Variants in AHCYL2 observed in about 807,000 individuals in gnomAD.
AHCYL2 encodes adenosylhomocysteinase like 2.
Under a neutral mutation model 81.4 loss-of-function variants are expected in AHCYL2, and 28 were observed. That is an observed-to-expected ratio of 0.34 (90% CI 0.25 to 0.47). The LOEUF is 0.47. AHCYL2 is among the 20% of genes least tolerant of loss of function. AHCYL2 has a pLI of 1.00. For synonymous variants in AHCYL2, 272 were observed against 290.2 expected (o/e 0.94, Z 0.64); for missense variants, 551 against 785.1 (o/e 0.70, Z 3.56).
intron 1 of AHCYL2, among the ~76,000 whole-genome samples, chr7:129,350,189 G>A (rs117851490): frequency 0.031 from 4,757 of 152,190 alleles, 94 homozygotes; most frequent in Middle Eastern, 0.079. Context: ...AGAGGTACCT[G>A]GATTCAGGTT....
At chr7:129,289,903 C>T (rs1050014992) in intron 1 of AHCYL2, among the ~76,000 whole-genome samples, 6 of 151,858 alleles carry the variant, frequency 4.0e-5, no homozygotes, top group African/African-American at 1.5e-4. Context: ...CTGCCTCAGT[C>T]TCCTGAGTAG....
intron 1 of AHCYL2, among the ~76,000 whole-genome samples, chr7:129,378,137 C>T (rs1309822123): frequency 6.6e-6 from 1 of 152,014 alleles, no homozygotes; most frequent in East Asian, 1.9e-4. Context: ...CATGGTGAAA[C>T]CCCGTCTCTA....
At chr7:129,402,167 T>C (rs993868273) in intron 6 of AHCYL2, among the ~76,000 whole-genome samples, 3 of 152,150 alleles carry the variant, frequency 2.0e-5, no homozygotes, top group Admixed American at 6.5e-5. Context: ...ACATGGAGAA[T>C]GGGAGAGAGA....
chr7:129,245,855 G>C (rs930266145), intron 1 of AHCYL2, among the ~76,000 whole-genome samples: 1 of 152,060 alleles, frequency 6.6e-6, no homozygotes, highest in African/African-American at 2.4e-5. Flanking sequence ...GAGTTCTGTT[G>C]GTTGTATACC....
intron 1 of AHCYL2, among the ~76,000 whole-genome samples, chr7:129,347,799 T>A (rs1176057296): frequency 6.6e-6 from 1 of 152,226 alleles, no homozygotes; most frequent in African/African-American, 2.4e-5. Context: ...AAAAGGCGTT[T>A]ATTTCACTAT....
At chr7:129,313,454 G>A (rs1052677899) in intron 1 of AHCYL2, among the ~76,000 whole-genome samples, 1 of 152,222 alleles carries the variant, frequency 6.6e-6, no homozygotes, top group African/African-American at 2.4e-5. Context: ...ACCAGCCAAT[G>A]TGGTTGAATG....
intron 1 of AHCYL2, among the ~76,000 whole-genome samples, chr7:129,304,821 C>G (rs1429089504): frequency 2.0e-5 from 3 of 151,756 alleles, no homozygotes; most frequent in Admixed American, 2.0e-4. Flanking sequence ...TTGAATCTTG[C>G]TTTTTTATCC....
At chr7:129,290,500 CAAAAA>C (rs76196258) in intron 1 of AHCYL2, among the ~76,000 whole-genome samples, 1 of 61,512 alleles carries the variant, frequency 1.6e-5, no homozygotes, top group Non-Finnish European at 3.5e-5. Flanking sequence ...GACTCTGTCT[CAAAAA>C]AAAAAAAAAA....
chr7:129,231,312 TTAC>T (rs961258745), intron 1 of AHCYL2, among the ~76,000 whole-genome samples: 2 of 151,808 alleles, frequency 1.3e-5, no homozygotes, highest in African/African-American at 4.8e-5. Flanking sequence ...AGGAAGACAA[TTAC>T]TACTACTACT....
At chr7:129,318,187 A>T (rs1227079962) in intron 1 of AHCYL2, among the ~76,000 whole-genome samples, 1 of 152,200 alleles carries the variant, frequency 6.6e-6, no homozygotes, top group Non-Finnish European at 1.5e-5. Context: ...AGATCTCTGA[A>T]TTTTCAGAGA....
At chr7:129,350,992 C>T (rs1186855494) in intron 1 of AHCYL2, among the ~76,000 whole-genome samples, 1 of 152,108 alleles carries the variant, frequency 6.6e-6, no homozygotes, top group African/African-American at 2.4e-5. Context: ...GCGTGAGCCA[C>T]CGCGCCCGGC....
At chr7:129,391,747 G>C (rs1795480906) in intron 4 of AHCYL2, among the ~76,000 whole-genome samples, 1 of 152,128 alleles carries the variant, frequency 6.6e-6, no homozygotes, top group Admixed American at 6.5e-5. Context: ...ACACTTATGT[G>C]GTCACATTCC....
At chr7:129,253,888 AAG>A (rs1302915117) in intron 1 of AHCYL2, among the ~76,000 whole-genome samples, 1 of 152,224 alleles carries the variant, frequency 6.6e-6, no homozygotes, top group Non-Finnish European at 1.5e-5. Context: ...AATTACAGAA[AAG>A]AGAAACAAAT....
chr7:129,397,104 A>T (rs1325553954), intron 4 of AHCYL2, 118 bp from the exon 5 acceptor site: 3 of 840,110 alleles, frequency 3.6e-6, no homozygotes, highest in South Asian at 3.9e-5. Context: ...CCCAATTTGA[A>T]AATCACTGGC....
intron 1 of AHCYL2, among the ~76,000 whole-genome samples, chr7:129,373,387 T>G (rs1794509861): frequency 6.6e-6 from 1 of 150,686 alleles, no homozygotes; most frequent in South Asian, 2.1e-4. Context: ...ACTTTTTAAG[T>G]TTTTTTTTAG....
At chr7:129,382,024 T>C (rs1348590035) in intron 2 of AHCYL2, among the ~76,000 whole-genome samples, 1 of 152,234 alleles carries the variant, frequency 6.6e-6, no homozygotes, top group African/African-American at 2.4e-5. Flanking sequence ...TGACTAGAAA[T>C]GCCTACTATC....
chr7:129,269,274 G>A lies in AHCYL2; in HGVS notation c.363+43835G>A, dbSNP rs1373814575. 4.0e-5 allele frequency among the ~76,000 whole-genome samples: 6 copies of A among 151,158 alleles called. No individual in the cohort carries two copies. The East Asian group carries it at 1.2e-3, about 29-fold the overall frequency. ...AGTCCTACTGGGACCACCATGGTGT[G>A]CACCACCATGCCTAATTTTTTTTTT... On this transcript the variant is annotated intron_variant, in intron 1 of 16. Transcript: ENST00000325006.
intron 1 of AHCYL2, among the ~76,000 whole-genome samples, chr7:129,281,648 C>G (rs1796452896): frequency 1.3e-5 from 2 of 151,910 alleles, no homozygotes; most frequent in Admixed American, 1.3e-4. Context: ...ATGCCTGGCA[C>G]CACCATCCCT....
chr7:129,251,524 T>C (rs766924625), intron 1 of AHCYL2, among the ~76,000 whole-genome samples: 19 of 152,166 alleles, frequency 1.2e-4, no homozygotes, highest in Admixed American at 6.5e-4. Flanking sequence ...ATTAAGCTAT[T>C]ACTAGGTTTA....
Sources: gnomAD v4.1 joint callset for allele counts (sites outside exome capture counted in the v4.1 genomes callset) on GRCh38, gnomAD v4.1.1 for gene constraint, MANE v1.5 for transcripts, NCBI Gene and HGNC (gene_info 2026-07-23, HGNC 2026-07-21) for gene names.